Variants in ARL15 observed in about 807,000 individuals in gnomAD.
The protein encoded by ARL15 is ARF like GTPase 15, also known as ADP-ribosylation factor-like protein 15.
A neutral mutation model predicts 25.2 loss-of-function variants in ARL15; 19 were observed. The observed-to-expected ratio is 0.75, with a 90% CI of 0.53 to 1.10. The LOEUF (loss-of-function observed/expected upper bound fraction) is 1.10. Ranked by LOEUF, ARL15 falls within the 50% of genes least tolerant of loss-of-function variation. ARL15 has a pLI of 0.00. For synonymous variants in ARL15, 94 were observed against 86.8 expected (o/e 1.08, Z -0.46); for missense variants, 220 against 246.0 (o/e 0.89, Z 0.71).
chr5:54,069,363 G>C lies in ARL15; in HGVS notation c.462+43839C>G, dbSNP rs552855420. Among the ~76,000 whole-genome samples the C allele has an allele frequency of 2.4e-4, 36 of 151,930 alleles. 1 individual carries two copies. Among genetic ancestry groups the C allele is most frequent in the Admixed American group, 1.2e-3 (18 of 15,256 alleles). On this transcript the variant is annotated intron_variant, in intron 4 of 4. Coordinates refer to ENST00000504924, the MANE Select transcript of ARL15 (RefSeq NM_019087.3). ...AGGAGGGTGGATCACCTCAGGTCAG[G>C]AGTTGGAGACCAGCCTGGCCAACAT...
At chr5:54,089,485 A>G (rs1313253062) in intron 4 of ARL15, among the ~76,000 whole-genome samples, 1 of 152,216 alleles carries the variant, frequency 6.6e-6, no homozygotes, top group East Asian at 1.9e-4. Flanking sequence ...TCCATTCATA[A>G]TAAAATTCAC....
At chr5:54,150,666 C>T (rs2112337715) in intron 3 of ARL15, among the ~76,000 whole-genome samples, 1 of 152,082 alleles carries the variant, frequency 6.6e-6, no homozygotes, top group South Asian at 2.1e-4. Flanking sequence ...CGTGCGGTGG[C>T]TCATGCCTGT....
intron 1 of ARL15, among the ~76,000 whole-genome samples, chr5:54,213,504 T>C (rs1756100821): frequency 6.6e-6 from 1 of 152,280 alleles, no homozygotes; most frequent in South Asian, 2.1e-4. Context: ...GTCAGGACCA[T>C]TGAGGTTCCT....
chr5:54,184,551 T>C (rs866180864), intron 1 of ARL15, among the ~76,000 whole-genome samples: 1 of 141,926 alleles, frequency 7.0e-6, no homozygotes, highest in Non-Finnish European at 1.5e-5. Context: ...GGAGGAAAGA[T>C]CTCAATAAAG....
intron 1 of ARL15, among the ~76,000 whole-genome samples, chr5:54,212,953 T>C (rs1220201417): frequency 1.3e-5 from 2 of 152,180 alleles, no homozygotes; most frequent in African/African-American, 4.8e-5. Context: ...AATAAAGTTG[T>C]TAAATTAGAT....
intron 1 of ARL15, among the ~76,000 whole-genome samples, chr5:54,183,860 A>T (rs1340527431): frequency 6.6e-6 from 1 of 151,280 alleles, no homozygotes; most frequent in Non-Finnish European, 1.5e-5. Context: ...CAAATGTCCA[A>T]CAATGATAGA....
intron 3 of ARL15, among the ~76,000 whole-genome samples, chr5:54,116,848 T>C (rs142915741): frequency 1.1e-4 from 17 of 152,240 alleles, no homozygotes; most frequent in African/African-American, 4.1e-4. Context: ...TCTAATGTGA[T>C]TGAAATAGAG....
intron 1 of ARL15, among the ~76,000 whole-genome samples, chr5:54,191,385 T>C (rs1043486614): frequency 1.3e-5 from 2 of 152,206 alleles, no homozygotes; most frequent in African/African-American, 2.4e-5. Flanking sequence ...TGAAGATGTA[T>C]GCTGGTGATG....
chr5:54,017,468 G>A (rs1455804675), intron 4 of ARL15, among the ~76,000 whole-genome samples: 1 of 151,790 alleles, frequency 6.6e-6, no homozygotes, highest in Non-Finnish European at 1.5e-5. Flanking sequence ...CGATTCTCTA[G>A]GCTATTATGA....
intron 4 of ARL15, among the ~76,000 whole-genome samples, chr5:54,016,371 G>A (rs1218943933): frequency 6.6e-6 from 1 of 152,202 alleles, no homozygotes; most frequent in African/African-American, 2.4e-5. Flanking sequence ...TGGAACGAGT[G>A]CAGGACAGGT....
At chr5:54,003,039 AG>A (rs1748898134) in intron 4 of ARL15, among the ~76,000 whole-genome samples, 1 of 152,234 alleles carries the variant, frequency 6.6e-6, no homozygotes. Flanking sequence ...CCCCTGCTTT[AG>A]TCTGGAGACT....
At chr5:53,960,499 TAG>T (rs1747327580) in intron 4 of ARL15, among the ~76,000 whole-genome samples, 1 of 152,192 alleles carries the variant, frequency 6.6e-6, no homozygotes, top group African/African-American at 2.4e-5. Context: ...CCTAATGATG[TAG>T]AGACAGCTTG....
intron 4 of ARL15, among the ~76,000 whole-genome samples, chr5:54,083,062 G>A (rs1751856110): frequency 6.6e-6 from 1 of 152,156 alleles, no homozygotes; most frequent in African/African-American, 2.4e-5. Flanking sequence ...AATGTGGTAT[G>A]TTTAAAGGTT....
intron 4 of ARL15, among the ~76,000 whole-genome samples, chr5:53,953,112 G>T (rs1747032815): frequency 6.6e-6 from 1 of 152,280 alleles, no homozygotes; most frequent in Non-Finnish European, 1.5e-5. Context: ...ATATTTATAT[G>T]TATGCTGAAC....
intron 4 of ARL15, among the ~76,000 whole-genome samples, chr5:54,058,047 C>T (rs2112018122): frequency 6.6e-6 from 1 of 150,680 alleles, no homozygotes; most frequent in South Asian, 2.1e-4. Context: ...CTCTTGTTCC[C>T]CAGGCTGGAA....
chr5:54,304,575 C>T (rs566723557), intron 1 of ARL15, among the ~76,000 whole-genome samples: 2 of 152,304 alleles, frequency 1.3e-5, no homozygotes, highest in South Asian at 4.1e-4. Flanking sequence ...GGGAACCAGA[C>T]TTAACACCTT....
chr5:53,902,911 T>C (rs1038131428), intron 4 of ARL15, among the ~76,000 whole-genome samples: 2 of 152,078 alleles, frequency 1.3e-5, no homozygotes, highest in Non-Finnish European at 1.5e-5. Context: ...GCCGCCTCAA[T>C]AGCACATCTG....
At chr5:53,968,788 C>T (rs1257691387) in intron 4 of ARL15, among the ~76,000 whole-genome samples, 3 of 151,810 alleles carry the variant, frequency 2.0e-5, no homozygotes, top group Non-Finnish European at 4.4e-5. Context: ...GGATTACAGG[C>T]GTGAGCCACC....
intron 1 of ARL15, among the ~76,000 whole-genome samples, chr5:54,204,914 T>C (rs1376591850): frequency 6.8e-6 from 1 of 147,222 alleles, no homozygotes; most frequent in Non-Finnish European, 1.5e-5. Flanking sequence ...AGAATCATCT[T>C]TGCTATCAAT....
Sources: gnomAD v4.1 joint callset for allele counts (sites outside exome capture counted in the v4.1 genomes callset) on GRCh38, gnomAD v4.1.1 for gene constraint, MANE v1.5 for transcripts, NCBI Gene and HGNC (gene_info 2026-07-23, HGNC 2026-07-21) for gene names.